The following SPATS2 variants were observed in gnomAD, a reference collection of about 807,000 sequenced individuals.
The protein encoded by SPATS2 is spermatogenesis associated serine rich 2, also known as spermatogenesis-associated serine-rich protein 2.
SPATS2 carries 38 observed loss-of-function variants against 63.7 expected under a neutral mutation model. That is an observed-to-expected ratio of 0.60 (90% CI 0.46 to 0.78). SPATS2 has a LOEUF of 0.78. Ranked by LOEUF, SPATS2 falls within the 30% of genes least tolerant of loss-of-function variation. The pLI, the probability that SPATS2 is intolerant of heterozygous loss-of-function variation, is 0.00. For missense variants in SPATS2, 588 were observed against 666.2 expected (o/e 0.88, Z 1.29); for synonymous variants, 207 against 232.9 (o/e 0.89, Z 1.01).
intron 9 of SPATS2, among the ~76,000 whole-genome samples, chr12:49,514,030 G>A (rs1256142531): frequency 6.6e-6 from 1 of 151,914 alleles, no homozygotes; most frequent in African/African-American, 2.4e-5. Flanking sequence ...GGTGGCGGGC[G>A]CCTGTAGTCC....
chr12:49,367,365 G>C (rs926145904), upstream of SPATS2: 11 of 393,740 alleles, frequency 2.8e-5, no homozygotes, highest in Non-Finnish European at 2.2e-5. Flanking sequence ...CTGGATCTCC[G>C]GCAGCATCCT....
At chr12:49,491,239 T>C (rs1185654458) in intron 6 of SPATS2, 1 of 152,272 alleles carries the variant, frequency 6.6e-6, no homozygotes, top group Non-Finnish European at 1.5e-5. Context: ...GGAAACAGAA[T>C]GACTTTGCCA....
chr12:49,417,130 A>G (rs1310566387), intron 2 of SPATS2, among the ~76,000 whole-genome samples: 1 of 152,214 alleles, frequency 6.6e-6, no homozygotes, highest in African/African-American at 2.4e-5. Context: ...GGAACTTTGG[A>G]CTGACATTTG....
At chr12:49,498,151 T>TATATAC (rs1565751670) in intron 8 of SPATS2, among the ~76,000 whole-genome samples, 2 of 138,202 alleles carry the variant, frequency 1.4e-5, no homozygotes, top group African/African-American at 5.5e-5. Flanking sequence ...AAAAAATATA[T>TATATAC]ATATATATAT....
intron 2 of SPATS2, among the ~76,000 whole-genome samples, chr12:49,432,095 C>A (rs549856686): frequency 6.6e-6 from 1 of 152,314 alleles, no homozygotes; most frequent in South Asian, 2.1e-4. Flanking sequence ...TTTACATTCT[C>A]ACTTAGATGT....
chr12:49,523,577 G>C (rs933690052), intron 12 of SPATS2, among the ~76,000 whole-genome samples: 8 of 152,142 alleles, frequency 5.3e-5, no homozygotes, highest in South Asian at 2.1e-4. Context: ...AAGGATAGGG[G>C]AGTGCCTGTG....
chr12:49,418,089 T>C (rs574235770), intron 2 of SPATS2, among the ~76,000 whole-genome samples: 58 of 150,494 alleles, frequency 3.9e-4, no homozygotes, highest in African/African-American at 1.4e-3. Context: ...ACTGTGTAGC[T>C]TTCATTTTAA....
At chr12:49,467,341 C>T (rs942317661) in intron 3 of SPATS2, among the ~76,000 whole-genome samples, 4 of 151,412 alleles carry the variant, frequency 2.6e-5, no homozygotes, top group Non-Finnish European at 4.4e-5. Context: ...GGATTATAGG[C>T]GTGAGCCACT....
intron 2 of SPATS2, among the ~76,000 whole-genome samples, chr12:49,446,084 A>G (rs1325455142): frequency 6.6e-6 from 1 of 151,032 alleles, no homozygotes; most frequent in Non-Finnish European, 1.5e-5. Context: ...TTGTATTTTT[A>G]GTAGAGATGG....
chr12:49,372,938 TTTTGTGTGTGTGTGTGTG>T (rs1287101216), intron 2 of SPATS2, among the ~76,000 whole-genome samples: 1 of 138,888 alleles, frequency 7.2e-6, no homozygotes, highest in African/African-American at 2.7e-5. Flanking sequence ...TGATTTTCTG[TTTTGTGTGTGTGTGTGTG>T]TGTGTGTGTG....
At chr12:49,438,044 T>G (rs1565722188) in intron 2 of SPATS2, among the ~76,000 whole-genome samples, 1 of 152,212 alleles carries the variant, frequency 6.6e-6, no homozygotes, top group Non-Finnish European at 1.5e-5. Context: ...GTTGTACCCA[T>G]GTAATTACCA....
intron 6 of SPATS2, chr12:49,491,043 G>A: frequency 5.1e-6 from 1 of 197,016 alleles, no homozygotes; most frequent in South Asian, 9.7e-5. Context: ...ACTCAGGAGG[G>A]TGAGGCAGGA....
chr12:49,453,174 A>G (rs1022876920), intron 2 of SPATS2, among the ~76,000 whole-genome samples: 1 of 151,856 alleles, frequency 6.6e-6, no homozygotes, highest in Non-Finnish European at 1.5e-5. Context: ...AAAAAAAAAA[A>G]AAAGAAATTT....
At chr12:49,419,588 T>G (rs1296814072) in intron 2 of SPATS2, among the ~76,000 whole-genome samples, 1 of 152,238 alleles carries the variant, frequency 6.6e-6, no homozygotes, top group Non-Finnish European at 1.5e-5. Context: ...ATATACCCTT[T>G]CCTTTCTGTA....
At chr12:49,508,036 A>G (rs1946682487) in intron 9 of SPATS2, among the ~76,000 whole-genome samples, 1 of 152,220 alleles carries the variant, frequency 6.6e-6, no homozygotes, top group Non-Finnish European at 1.5e-5. Flanking sequence ...TATAGGTGAG[A>G]AAGATGGGCA....
intron 3 of SPATS2, among the ~76,000 whole-genome samples, chr12:49,468,932 A>G (rs185486498): frequency 2.0e-5 from 3 of 152,266 alleles, no homozygotes; most frequent in Admixed American, 2.0e-4. Context: ...TGATTTACAT[A>G]AAGGAGTACT....
Position 49,515,881 on chromosome 12 carries a change from C to A in SPATS2, c.898+1268C>A, listed in dbSNP as rs568585590. 5.4e-4 allele frequency among the ~76,000 whole-genome samples: 82 copies of A among 151,960 alleles called. No homozygotes were observed. In the South Asian group the frequency reaches 0.017, roughly 31 times the overall value. Reference sequence around the variant, plus strand: ...ATAAGGCTGGGCGCAGTGGCTCATGCCTGTAATTCCAGCACTTTGGGAGGC... The same window carrying A: ...ATAAGGCTGGGCGCAGTGGCTCATGACTGTAATTCCAGCACTTTGGGAGGC... On this transcript the variant is annotated intron_variant, in intron 10 of 13. Transcript: ENST00000552918.
chr12:49,398,870 T>C (rs1338653966), intron 2 of SPATS2, among the ~76,000 whole-genome samples: 1 of 152,194 alleles, frequency 6.6e-6, no homozygotes, highest in Non-Finnish European at 1.5e-5. Flanking sequence ...CATTAGGTAA[T>C]AGGGAGCTTG....
intron 10 of SPATS2, among the ~76,000 whole-genome samples, chr12:49,515,781 C>T (rs1946828157): frequency 6.6e-6 from 1 of 151,882 alleles, no homozygotes; most frequent in Non-Finnish European, 1.5e-5. Flanking sequence ...GCACTTTGGG[C>T]GGATCACCTG....
Sources: allele counts gnomAD v4.1 joint callset (sites outside exome capture counted in the v4.1 genomes callset), GRCh38; gene constraint gnomAD v4.1.1; transcripts MANE v1.5; gene names NCBI Gene and HGNC (gene_info 2026-07-23, HGNC 2026-07-21).